ARID5B: variants seen among roughly 807,000 people sequenced by gnomAD.
The protein encoded by ARID5B is AT-rich interaction domain 5B, also known as AT-rich interactive domain-containing protein 5B.
Under a neutral mutation model 97.2 loss-of-function variants are expected in ARID5B, and 13 were observed. That is an observed-to-expected ratio of 0.13 (90% CI 0.09 to 0.21). The LOEUF (loss-of-function observed/expected upper bound fraction) is 0.21, where lower values mean the gene tolerates loss of function less well. ARID5B is among the 10% of genes least tolerant of loss of function. ARID5B has a pLI of 1.00. For missense variants in ARID5B, 1,210 were observed against 1,465.3 expected (o/e 0.83, Z 2.84); for synonymous variants, 556 against 570.3 (o/e 0.97, Z 0.36).
chr10:62,023,225 A>C (rs1053629034), intron 4 of ARID5B, among the ~76,000 whole-genome samples: 1 of 152,240 alleles, frequency 6.6e-6, no homozygotes, highest in Admixed American at 6.5e-5. Flanking sequence ...TCTGAAAGTA[A>C]CAAAATGCTT....
chr10:62,084,722 C>T (rs929607722), intron 8 of ARID5B, among the ~76,000 whole-genome samples: 2 of 152,216 alleles, frequency 1.3e-5, no homozygotes, highest in Admixed American at 6.5e-5. Flanking sequence ...AGAGCTACGT[C>T]GCAAAGGGAA....
At chr10:61,908,123 G>A (rs1412022031) in intron 2 of ARID5B, among the ~76,000 whole-genome samples, 2 of 152,138 alleles carry the variant, frequency 1.3e-5, no homozygotes, top group African/African-American at 2.4e-5. Flanking sequence ...TTGAGAATGA[G>A]TGAAATAATA....
chr10:61,998,165 A>T (rs1290720035), intron 3 of ARID5B, among the ~76,000 whole-genome samples: 1 of 152,244 alleles, frequency 6.6e-6, no homozygotes, highest in African/African-American at 2.4e-5. Flanking sequence ...AGTGAACATA[A>T]TTAGAAATAC....
chr10:61,972,576 T>C (rs561477573), intron 3 of ARID5B, among the ~76,000 whole-genome samples: 12 of 152,282 alleles, frequency 7.9e-5, no homozygotes, highest in Admixed American at 3.3e-4. Flanking sequence ...ACACAGTAAA[T>C]ATTCATCTGT....
At chr10:61,977,821 C>A (rs555924556) in intron 3 of ARID5B, among the ~76,000 whole-genome samples, 1 of 152,304 alleles carries the variant, frequency 6.6e-6, no homozygotes, top group South Asian at 2.1e-4. Context: ...CCTGTTCACT[C>A]TGATGGTAGT....
At position 61,987,926 on chromosome 10, in the gene ARID5B, T is replaced by C. The variant is rs10994994; in HGVS notation, c.503-12165T>C. On this transcript the variant is annotated intron_variant, in intron 3 of 9. Coordinates refer to ENST00000279873, the MANE Select transcript of ARID5B (RefSeq NM_032199.3). Reference sequence around the variant, plus strand: ...CTTTTATGAGAAAAGAGAGGTAGGTTTGGATGTTAGAGATTGGGGAAAAGG... The same window carrying C: ...CTTTTATGAGAAAAGAGAGGTAGGTCTGGATGTTAGAGATTGGGGAAAAGG... 6.2e-3 allele frequency among the ~76,000 whole-genome samples: 942 copies of C among 152,228 alleles called. 12 individuals carry two copies. Among genetic ancestry groups the C allele is most frequent in the African/African-American group, 0.022 (899 of 41,542 alleles).
At chr10:61,934,203 G>C (rs1433808218) in intron 2 of ARID5B, among the ~76,000 whole-genome samples, 1 of 152,176 alleles carries the variant, frequency 6.6e-6, no homozygotes, top group African/African-American at 2.4e-5. Context: ...ATTGAAGAGA[G>C]TTAGGGCCCT....
chr10:62,066,792 T>C (rs1396064289), intron 7 of ARID5B, among the ~76,000 whole-genome samples: 3 of 152,196 alleles, frequency 2.0e-5, no homozygotes, highest in African/African-American at 4.8e-5. Context: ...GGAGGCGTGG[T>C]CAGTTTCACA....
Position 62,095,504 on chromosome 10 carries a change from C to T in ARID5B, c.*2474C>T, listed in dbSNP as rs981841940. The T allele has an allele frequency of 2.6e-5, 6 of 233,496 alleles. No individual in the cohort carries two copies. Among genetic ancestry groups the T allele is most frequent in the Non-Finnish European group, 4.2e-5 (5 of 118,002 alleles). 14.5% of individuals were successfully genotyped at this position (233,496 alleles called of 1,614,324 possible). A position where few individuals can be genotyped will look rare whatever the true frequency, so the allele number is the denominator to read the frequency against. The stretch of plus-strand genomic sequence containing the variant: ...GGAATTCGATCACACCATTTTCAAA[C>T]AATGTTAACATAGTCCAGCTTTTGT... On this transcript the variant is annotated 3_prime_UTR_variant, in exon 10 of 10. Coordinates refer to ENST00000279873, the MANE Select transcript of ARID5B (RefSeq NM_032199.3).
intron 4 of ARID5B, among the ~76,000 whole-genome samples, chr10:62,015,196 C>T (rs531023891): frequency 1.3e-5 from 2 of 152,278 alleles, no homozygotes; most frequent in East Asian, 1.9e-4. Context: ...AATACTTCAG[C>T]GAAAGGCTTA....
At chr10:62,047,757 A>G (rs888558780) in intron 4 of ARID5B, among the ~76,000 whole-genome samples, 7 of 152,142 alleles carry the variant, frequency 4.6e-5, no homozygotes, top group African/African-American at 1.7e-4. Flanking sequence ...TCACTCACTG[A>G]CCTAGCAAAT....
intron 4 of ARID5B, among the ~76,000 whole-genome samples, chr10:62,038,266 T>A (rs1054291739): frequency 1.2e-4 from 19 of 152,138 alleles, no homozygotes; most frequent in African/African-American, 4.1e-4. Context: ...CAGAATTTTT[T>A]AAAATTTTAT....
chr10:61,914,649 G>A (rs1843867727), intron 2 of ARID5B, among the ~76,000 whole-genome samples: 1 of 152,180 alleles, frequency 6.6e-6, no homozygotes, highest in African/African-American at 2.4e-5. Flanking sequence ...TTCACCCACT[G>A]TGTTTTCAAT....
rs567464868 is a variant in ARID5B, at chr10:62,091,802, G to A, written c.2339G>A (p.Arg780Gln). The A allele has an allele frequency of 3.5e-5, 56 of 1,613,992 alleles. No homozygotes were observed. The highest frequency in any genetic ancestry group is 1.3e-4 in the Admixed American group (8 of 60,010). Residue 780 changes from arginine to glutamine, a missense_variant, in exon 10 of 10, where the codon CGA becomes CAA. Around this residue, in one of 8 missense-constraint regions of ARID5B, gnomAD observed 800 missense variants for 839.1 expected, o/e 0.95. Transcript: ENST00000279873. Reference protein sequence around the residue: ...NDIFKHEKLSRSDPHRCSFSK... With the variant: ...NDIFKHEKLSQSDPHRCSFSK... Reference sequence around the variant, plus strand: ...ATCTTTAAGCATGAGAAACTGAGTCGATCAGATCCCCACCGCTGCAGCTTC... The same window carrying A: ...ATCTTTAAGCATGAGAAACTGAGTCAATCAGATCCCCACCGCTGCAGCTTC...
In ARID5B at chr10:62,094,913, A is replaced by G. The variant is rs988871531; in HGVS notation, c.*1883A>G. The G allele has an allele frequency of 1.3e-5, 3 of 231,200 alleles. No homozygotes were observed. Among genetic ancestry groups the G allele is most frequent in the Admixed American group, 5.7e-5 (1 of 17,696 alleles). 14.3% of individuals were successfully genotyped at this position (231,200 alleles called of 1,614,324 possible). On this transcript the variant is annotated 3_prime_UTR_variant, in exon 10 of 10. Coordinates refer to ENST00000279873, the MANE Select transcript of ARID5B (RefSeq NM_032199.3). ...CTCGACTGCAAAATAATCAAAACTG[A>G]TAACAATGAAACTGCGGCTCTTAAA... is the stretch of plus-strand genomic sequence containing the variant.
chr10:62,092,040 GGACA>G lies in ARID5B; in HGVS notation c.2578_2581del (p.Asp860CysfsTer21), dbSNP rs756098357. ...AACAGACATCCAAATACCCTTCCAG[GGACA>G]TGTACAGGGAATCGGAAAACAGTTC... is the stretch of plus-strand genomic sequence containing the variant. On this transcript the variant is annotated frameshift_variant, in exon 10 of 10. Transcript: ENST00000279873. LOFTEE classifies it high-confidence loss of function. 6.2e-7 allele frequency: 1 copy of G among 1,613,966 alleles called. No homozygotes were observed. The highest frequency in any genetic ancestry group is 2.2e-5 in the East Asian group (1 of 44,878).
At chr10:61,943,424 C>T (rs1844446899) in intron 3 of ARID5B, among the ~76,000 whole-genome samples, 1 of 152,038 alleles carries the variant, frequency 6.6e-6, no homozygotes, top group African/African-American at 2.4e-5. Flanking sequence ...TCCAACTCCT[C>T]ATTGTTCTTA....
At chr10:62,018,403 T>G (rs1237901336) in intron 4 of ARID5B, among the ~76,000 whole-genome samples, 2 of 152,208 alleles carry the variant, frequency 1.3e-5, no homozygotes, top group Non-Finnish European at 2.9e-5. Flanking sequence ...CTTGCCTTCC[T>G]TCGTCACCAC....
In ARID5B at chr10:62,095,938, A is replaced by G. The variant is rs566123245; in HGVS notation, c.*2908A>G. On this transcript the variant is annotated 3_prime_UTR_variant, in exon 10 of 10. Coordinates refer to ENST00000279873, the MANE Select transcript of ARID5B (RefSeq NM_032199.3). ...CAAGAAATGTTGCAATTCAAAATGC[A>G]CTAAGTCTGTGATTTATTGGAGATT... 8.2e-5 allele frequency: 19 copies of G among 231,738 alleles called. 1 individual carries two copies. In the South Asian group the frequency reaches 1.3e-3, roughly 15 times the overall value. The allele number at this position is 231,738 out of a possible 1,614,324, so 14.4% of individuals were successfully genotyped here.
Sources: allele counts gnomAD v4.1 joint callset (sites outside exome capture counted in the v4.1 genomes callset), GRCh38; gene constraint gnomAD v4.1.1; regional missense constraint gnomAD v4.1.1; transcripts MANE v1.5; gene names NCBI Gene and HGNC (gene_info 2026-07-23, HGNC 2026-07-21).